The following DLG2 variants were observed in gnomAD, a reference collection of about 807,000 sequenced individuals.
The protein encoded by DLG2 is disks large homolog 2.
A neutral mutation model predicts 132.5 loss-of-function variants in DLG2; 45 were observed. The observed-to-expected ratio is 0.34, with a 90% confidence interval of 0.27 to 0.44. The LOEUF (loss-of-function observed/expected upper bound fraction) is 0.44, where lower values mean the gene tolerates loss of function less well. Among genes scored for constraint, DLG2 ranks in the 20% least tolerant of loss-of-function variants. The pLI is 1.00. For synonymous variants in DLG2, 424 were observed against 419.6 expected (o/e 1.01, Z -0.13); for missense variants, 1,045 against 1,196.9 (o/e 0.87, Z 1.87).
At chr11:83,489,031 A>AGAT (rs1057316345) in intron 21 of DLG2, among the ~76,000 whole-genome samples, 1 of 152,070 alleles carries the variant, frequency 6.6e-6, no homozygotes, top group African/African-American at 2.4e-5. Flanking sequence ...AATTAAAAAA[A>AGAT]GATTACTTCT....
intron 3 of DLG2, among the ~76,000 whole-genome samples, chr11:85,342,038 G>T (rs1230924435): frequency 6.6e-6 from 1 of 152,174 alleles, no homozygotes; most frequent in Non-Finnish European, 1.5e-5. Context: ...AGTGGTGAGT[G>T]CATGTGAAGG....
intron 2 of DLG2, among the ~76,000 whole-genome samples, chr11:85,620,215 G>A (rs1053451226): frequency 2.6e-5 from 4 of 152,068 alleles, no homozygotes; most frequent in Non-Finnish European, 2.9e-5. Flanking sequence ...GTTTTGGGGC[G>A]CCACAAATCA....
chr11:83,759,193 T>C (rs1364748562), intron 18 of DLG2, among the ~76,000 whole-genome samples: 1 of 152,156 alleles, frequency 6.6e-6, no homozygotes, highest in Non-Finnish European at 1.5e-5. Flanking sequence ...GTTCAGAAGA[T>C]AGAAAGATAG....
rs575988542 is a variant in DLG2 at position 85,394,313 on chromosome 11, C to T, written c.41-108948G>A. 4.7e-4 allele frequency among the ~76,000 whole-genome samples: 72 copies of T among 152,196 alleles called. 1 individual carries two copies. The highest frequency in any genetic ancestry group is 1.6e-3 in the African/African-American group (68 of 41,526). On this transcript the variant is annotated intron_variant, in intron 3 of 27. Coordinates refer to ENST00000376104, the MANE Select transcript of DLG2 (RefSeq NM_001142699.3). Reference sequence around the variant, plus strand: ...CATAAATATATTTCATTTTTATTTGCCAACTTTTTAAAAGTGAAAGATCTG... The same window carrying T: ...CATAAATATATTTCATTTTTATTTGTCAACTTTTTAAAAGTGAAAGATCTG...
At chr11:83,773,209 G>T (rs2094465032) in intron 18 of DLG2, among the ~76,000 whole-genome samples, 1 of 152,190 alleles carries the variant, frequency 6.6e-6, no homozygotes, top group Non-Finnish European at 1.5e-5. Flanking sequence ...TTTACTAGTT[G>T]TGTGACCTTG....
At chr11:84,502,415 T>TTTCCTTTCG (rs58799252) in intron 7 of DLG2, among the ~76,000 whole-genome samples, 1 of 99,826 alleles carries the variant, frequency 1.0e-5, no homozygotes, top group African/African-American at 5.2e-5. Flanking sequence ...TCTTTCTTTC[T>TTTCCTTTCG]ATACAGAGTC....
chr11:85,497,340 T>C (rs757949533), intron 3 of DLG2, among the ~76,000 whole-genome samples: 4 of 151,092 alleles, frequency 2.6e-5, no homozygotes, highest in Admixed American at 2.0e-4. Context: ...TGATTGAAGA[T>C]GAACTCATTG....
intron 6 of DLG2, among the ~76,000 whole-genome samples, chr11:84,657,320 G>A (rs1214850071): frequency 1.1e-4 from 16 of 152,162 alleles, no homozygotes; most frequent in Admixed American, 1.0e-3. Flanking sequence ...CAGGGGCTTT[G>A]ATGGAATGAC....
intron 4 of DLG2, among the ~76,000 whole-genome samples, chr11:85,252,701 C>T (rs1285193218): frequency 1.3e-5 from 2 of 152,020 alleles, no homozygotes; most frequent in Non-Finnish European, 2.9e-5. Flanking sequence ...TAAATATAAA[C>T]ATTGTAAATA....
Position 84,112,068 on chromosome 11 carries a change from A to G in DLG2, c.625-13021T>C, listed in dbSNP as rs377053040. ...CACTCTGTTGCCCAGACTGGAGTAC[A>G]GTGGCGCGATCTTGGCTCACTGCAA... On this transcript the variant is annotated intron_variant, in intron 9 of 27. Coordinates refer to ENST00000376104, the MANE Select transcript of DLG2 (RefSeq NM_001142699.3). Among the ~76,000 whole-genome samples the G allele has an allele frequency of 9.2e-5, 14 of 151,948 alleles. 1 individual carries two copies. The highest frequency in any genetic ancestry group is 3.1e-4 in the African/African-American group (13 of 41,400).
chr11:84,534,694 T>C lies in DLG2; in HGVS notation c.395A>G (p.His132Arg), dbSNP rs2099351042. The C allele has an allele frequency of 6.2e-7, 1 of 1,614,076 alleles. No individual in the cohort carries two copies. Among genetic ancestry groups the C allele is most frequent in the Non-Finnish European group, 8.5e-7 (1 of 1,179,948 alleles). Reference sequence around the variant, plus strand: ...TTCGTGGGTTAGTCGAGGTAAGGAATGATCATGTGGAGCGTCCTCATCTTG... The same window carrying C: ...TTCGTGGGTTAGTCGAGGTAAGGAACGATCATGTGGAGCGTCCTCATCTTG... ...RYQDEDAPHDHSLPRLTHEVR... is the reference protein window; with the variant it reads ...RYQDEDAPHDRSLPRLTHEVR... Residue 132 changes from histidine to arginine, a missense_variant, in exon 7 of 28, where the codon CAT (histidine) becomes CGT (arginine). By Grantham distance (29) the His-to-Arg change is conservative (BLOSUM62 0). This residue lies in a region of DLG2 where 277 missense variants were observed against 238.2 expected (regional missense o/e 1.16). Coordinates refer to ENST00000376104, the MANE Select transcript of DLG2 (RefSeq NM_001142699.3).
intron 3 of DLG2, among the ~76,000 whole-genome samples, chr11:85,498,568 C>A (rs1450716324): frequency 2.6e-5 from 4 of 152,148 alleles, no homozygotes; most frequent in African/African-American, 4.8e-5. Flanking sequence ...CACACCTCTG[C>A]ACCAAGCAGA....
At chr11:85,097,000 G>A (rs1330846711) in intron 6 of DLG2, among the ~76,000 whole-genome samples, 1 of 152,124 alleles carries the variant, frequency 6.6e-6, no homozygotes, top group African/African-American at 2.4e-5. Context: ...CCAACAACAA[G>A]TTGATTGACC....
chr11:84,048,611 A>G (rs2096287012), intron 11 of DLG2, among the ~76,000 whole-genome samples: 1 of 151,634 alleles, frequency 6.6e-6, no homozygotes, highest in Admixed American at 6.6e-5. Flanking sequence ...AAACATAGTA[A>G]TTTACTCCAT....
intron 3 of DLG2, among the ~76,000 whole-genome samples, chr11:85,432,680 C>T (rs1043993492): frequency 2.6e-5 from 4 of 151,838 alleles, no homozygotes; most frequent in South Asian, 4.2e-4. Context: ...ATAAAATGAC[C>T]GCAGCTACAA....
At chr11:84,602,777 C>T (rs1397309362) in intron 6 of DLG2, among the ~76,000 whole-genome samples, 2 of 151,934 alleles carry the variant, frequency 1.3e-5, no homozygotes, top group East Asian at 3.8e-4. Context: ...ATCAGCTCTG[C>T]AGAAGATCTT....
rs1267031412 is a variant in DLG2 at position 84,784,349 on chromosome 11, TA to T, written c.358-249619del. On this transcript the variant is annotated intron_variant, in intron 6 of 27. Coordinates refer to ENST00000376104, the MANE Select transcript of DLG2 (RefSeq NM_001142699.3). Reference sequence around the variant, plus strand: ...ATAAATAAATAAATAAATAAATAAATAAATAAATAAATAAATAAATTAAACA... The same window carrying T: ...ATAAATAAATAAATAAATAAATAAATAATAAATAAATAAATAAATTAAACA... Among the ~76,000 whole-genome samples the T allele has an allele frequency of 5.8e-3, 851 of 147,624 alleles. 10 individuals are homozygous for T. Among genetic ancestry groups the T allele is most frequent in the African/African-American group, 0.014 (563 of 40,610 alleles).
At chr11:84,720,519 G>A (rs954038807) in intron 6 of DLG2, 2 of 982,882 alleles carry the variant, frequency 2.0e-6, no homozygotes, top group Non-Finnish European at 2.4e-6. Context: ...ACCCGCCGTG[G>A]CCATCCCGGA....
chr11:84,928,982 G>GTGTGTGTGTGTGTGTATATATA (rs1400906684), intron 6 of DLG2, among the ~76,000 whole-genome samples: 2 of 49,116 alleles, frequency 4.1e-5, no homozygotes, highest in Admixed American at 2.9e-4. Flanking sequence ...GTGTGTGTGT[G>GTGTGTGTGTGTGTGTATATATA]TATATATATA....
Sources: allele counts gnomAD v4.1 joint callset (sites outside exome capture counted in the v4.1 genomes callset), GRCh38; gene constraint gnomAD v4.1.1; regional missense constraint gnomAD v4.1.1; transcripts MANE v1.5; gene names NCBI Gene and HGNC (gene_info 2026-07-23, HGNC 2026-07-21).